Variants in GPC5 observed in about 807,000 individuals in gnomAD.
The protein encoded by GPC5 is glypican-5.
Under a neutral mutation model 53.9 loss-of-function variants are expected in GPC5, and 47 were observed. The ratio of observed to expected loss-of-function variants is 0.87; its 90% confidence interval spans 0.69 to 1.11. GPC5 has a LOEUF of 1.11. Ranked by LOEUF, GPC5 falls within the 50% of genes most tolerant of loss-of-function variation. The probability of loss-of-function intolerance (pLI) is 0.00; values close to 1 mark genes in which losing one functional copy is unlikely to be tolerated. For synonymous variants in GPC5, 286 were observed against 263.3 expected (o/e 1.09, Z -0.84); for missense variants, 748 against 713.1 (o/e 1.05, Z -0.56).
chr13:91,985,389 G>A (rs1449646204), intron 6 of GPC5, among the ~76,000 whole-genome samples: 1 of 135,502 alleles, frequency 7.4e-6, no homozygotes, highest in Non-Finnish European at 1.6e-5. Flanking sequence ...TTTTTTACTA[G>A]TGTGACAATC....
intron 7 of GPC5, among the ~76,000 whole-genome samples, chr13:92,276,996 C>CT (rs71200573): frequency 0.074 from 11,166 of 151,088 alleles, 420 homozygotes; most frequent in Non-Finnish European, 0.086. Flanking sequence ...GTCTCTCTCT[C>CT]TTTTTTTTTC....
At chr13:92,615,733 A>C (rs1362300471) in intron 7 of GPC5, among the ~76,000 whole-genome samples, 1 of 152,078 alleles carries the variant, frequency 6.6e-6, no homozygotes, top group Non-Finnish European at 1.5e-5. Context: ...GCAATGCAAC[A>C]TTTCCCAAAC....
intron 7 of GPC5, among the ~76,000 whole-genome samples, chr13:92,176,790 C>G (rs1593963875): frequency 6.6e-6 from 1 of 152,292 alleles, no homozygotes; most frequent in South Asian, 2.1e-4. Context: ...TGATTTCCAG[C>G]ACACTACCAG....
intron 2 of GPC5, among the ~76,000 whole-genome samples, chr13:91,504,213 T>C (rs7997845): frequency 0.99 from 150,471 of 152,198 alleles, 74,414 homozygotes; most frequent in East Asian, 1. Context: ...CATCCTTGTA[T>C]CTACCAGACA....
intron 7 of GPC5, among the ~76,000 whole-genome samples, chr13:92,443,499 G>T (rs1566592625): frequency 1.3e-5 from 2 of 151,968 alleles, no homozygotes; most frequent in Admixed American, 6.6e-5. Context: ...TAAGTTTATT[G>T]TTGAAAATGT....
intron 5 of GPC5, among the ~76,000 whole-genome samples, chr13:91,802,083 A>G (rs2038145264): frequency 6.6e-6 from 1 of 152,240 alleles, no homozygotes; most frequent in South Asian, 2.1e-4. Flanking sequence ...TTAAGTTATC[A>G]AAAGACATAG....
In GPC5 at chr13:92,125,923, GGTTTTTTTTTTTTTTTTTTT is replaced by G. The variant is rs2041691636; in HGVS notation, c.1402-18906_1402-18887del. Among the ~76,000 whole-genome samples, 29 of 41,548 alleles carry G rather than the reference GGTTTTTTTTTTTTTTTTTTT, an allele frequency of 7.0e-4. 1 individual carries two copies. Among genetic ancestry groups the G allele is most frequent in the Admixed American group, 1.8e-3 (6 of 3,420 alleles). The allele number at this position is 41,548 out of a possible 152,430, so 27.3% of individuals were successfully genotyped here. ...ATTAGAAAGGAAACATTTGTTTTTT[GGTTTTTTTTTTTTTTTTTTT>G]TTTTTTTTTTTTTTTTTTTTTTTTT... On this transcript the variant is annotated intron_variant, in intron 6 of 7. Coordinates refer to ENST00000377067, the MANE Select transcript of GPC5 (RefSeq NM_004466.6).
chr13:91,803,500 G>T (rs1340969990), intron 5 of GPC5, among the ~76,000 whole-genome samples: 2 of 151,936 alleles, frequency 1.3e-5, no homozygotes, highest in African/African-American at 4.8e-5. Flanking sequence ...TTTATGATAT[G>T]AATGTTATTT....
At chr13:92,018,970 A>C (rs966659914) in intron 6 of GPC5, among the ~76,000 whole-genome samples, 2 of 152,008 alleles carry the variant, frequency 1.3e-5, no homozygotes, top group African/African-American at 4.8e-5. Flanking sequence ...TATCTTCCTA[A>C]ATATTGTTAG....
intron 5 of GPC5, among the ~76,000 whole-genome samples, chr13:91,818,649 CA>C (rs1312106530): frequency 6.6e-6 from 1 of 152,162 alleles, no homozygotes; most frequent in Non-Finnish European, 1.5e-5. Context: ...GACATTCTAG[CA>C]CCAGCAAGTA....
At chr13:91,969,487 C>T (rs2040220502) in intron 6 of GPC5, among the ~76,000 whole-genome samples, 1 of 151,476 alleles carries the variant, frequency 6.6e-6, no homozygotes, top group Non-Finnish European at 1.5e-5. Flanking sequence ...TGATATGACA[C>T]TAAGAGCACA....
At chr13:91,475,854 G>A (rs868093456) in intron 2 of GPC5, among the ~76,000 whole-genome samples, 1 of 152,190 alleles carries the variant, frequency 6.6e-6, no homozygotes, top group African/African-American at 2.4e-5. Context: ...GAGAGGGGCA[G>A]TGCATATTTC....
At chr13:92,774,872 G>A (rs1207118736) in intron 7 of GPC5, among the ~76,000 whole-genome samples, 1 of 152,058 alleles carries the variant, frequency 6.6e-6, no homozygotes, top group Non-Finnish European at 1.5e-5. Flanking sequence ...TTTTATCCAT[G>A]TGAAATTTTG....
At chr13:92,179,799 T>G (rs1363528135) in intron 7 of GPC5, among the ~76,000 whole-genome samples, 1 of 152,228 alleles carries the variant, frequency 6.6e-6, no homozygotes, top group East Asian at 1.9e-4. Context: ...ATGGGAAGAT[T>G]GAATTTTTTA....
intron 1 of GPC5, among the ~76,000 whole-genome samples, chr13:91,441,177 T>G (rs1880393711): frequency 6.6e-6 from 1 of 152,214 alleles, no homozygotes; most frequent in African/African-American, 2.4e-5. Flanking sequence ...TTCAAGTCTG[T>G]TATATTTTGC....
chr13:92,144,887 G>T lies in GPC5; in HGVS notation c.1459G>T (p.Gly487Cys). Reference protein sequence around the residue: ...DKWELLQLGSGGGMVEQVSGD... With the variant: ...DKWELLQLGSCGGMVEQVSGD... The stretch of plus-strand genomic sequence containing the variant: ...GTGGGAACTTCTTCAGCTGGGCAGT[G>T]GTGGAGGCATGGTTGAACAAGTCAG... Residue 487 changes from glycine (G) to cysteine (C), a missense_variant, in exon 7 of 8, where the codon GGT becomes TGT. Transcript: ENST00000377067. 1 of 1,611,072 alleles carries T rather than the reference G, an allele frequency of 6.2e-7. No homozygotes were observed.
At chr13:91,654,090 AC>A (rs1672450372) in intron 2 of GPC5, among the ~76,000 whole-genome samples, 1 of 152,160 alleles carries the variant, frequency 6.6e-6, no homozygotes, top group African/African-American at 2.4e-5. Flanking sequence ...TTTTAGAGGC[AC>A]CCATAGATTT....
intron 6 of GPC5, among the ~76,000 whole-genome samples, chr13:92,046,990 A>G (rs1276867136): frequency 6.6e-6 from 1 of 152,166 alleles, no homozygotes; most frequent in Non-Finnish European, 1.5e-5. Flanking sequence ...TGCCTCATTA[A>G]ATGCAGTAGA....
intron 7 of GPC5, among the ~76,000 whole-genome samples, chr13:92,793,088 C>T (rs971559807): frequency 6.6e-6 from 1 of 152,080 alleles, no homozygotes; most frequent in South Asian, 2.1e-4. Context: ...ATACATTTTT[C>T]TCAGCACCAC....
Sources: allele counts gnomAD v4.1 joint callset (sites outside exome capture counted in the v4.1 genomes callset), GRCh38; gene constraint gnomAD v4.1.1; transcripts MANE v1.5; gene names NCBI Gene and HGNC (gene_info 2026-07-23, HGNC 2026-07-21).